RSPH3: variants seen among roughly 807,000 people sequenced by gnomAD.
RSPH3 encodes the protein radial spoke head protein 3 homolog.
RSPH3 carries 21 observed loss-of-function variants against 43.8 expected under a neutral mutation model. The ratio of observed to expected loss-of-function variants is 0.48; its 90% CI spans 0.34 to 0.69. RSPH3 has a LOEUF of 0.69. Among genes scored for constraint, RSPH3 ranks in the 30% least tolerant of loss-of-function variants. RSPH3 has a pLI of 0.01. For synonymous variants in RSPH3, 173 were observed against 179.8 expected (o/e 0.96, Z 0.30); for missense variants, 487 against 516.0 (o/e 0.94, Z 0.54).
At chr6:158,988,225 TG>T (rs905745712) in intron 2 of RSPH3, 5 of 152,238 alleles carry the variant, frequency 3.3e-5, no homozygotes, top group Non-Finnish European at 4.4e-5. Context: ...CCTCCTGGCC[TG>T]TACAGTTTCC....
At chr6:158,982,448 A>G in intron 5 of RSPH3, 37 bp downstream of exon 5, 2 of 1,413,500 alleles carry the variant, frequency 1.4e-6, no homozygotes, top group Non-Finnish European at 1.9e-6. Flanking sequence ...TAACTAGCCA[A>G]AAGACTGCCT....
At chr6:158,998,622 G>A (rs1443064092) in intron 1 of RSPH3, among the ~76,000 whole-genome samples, 1 of 151,646 alleles carries the variant, frequency 6.6e-6, no homozygotes, top group Admixed American at 6.6e-5. Flanking sequence ...TTGGGAGGCC[G>A]AGGCGGGCGG....
At chr6:158,969,346 G>T (rs749940640), downstream of RSPH3, among the ~76,000 whole-genome samples, 1 of 152,146 alleles carries the variant, frequency 6.6e-6, no homozygotes, top group African/African-American at 2.4e-5. Context: ...TTGCCTTTTG[G>T]CCTTCATGAT....
chr6:158,995,304 G>A (rs986537006), intron 1 of RSPH3, among the ~76,000 whole-genome samples: 1 of 152,138 alleles, frequency 6.6e-6, no homozygotes, highest in Non-Finnish European at 1.5e-5. Flanking sequence ...TACTTCTTCA[G>A]TGTTTCCTAT....
intron 6 of RSPH3, 29 bp from the exon 7 acceptor site, chr6:158,978,375 T>C (rs1777921435): frequency 5.4e-6 from 6 of 1,103,024 alleles, no homozygotes; most frequent in East Asian, 2.4e-5. Flanking sequence ...TTGATTTTCA[T>C]GTATTATCAG....
downstream of RSPH3, among the ~76,000 whole-genome samples, chr6:158,970,839 C>T (rs139975299): frequency 2.2e-4 from 34 of 152,304 alleles, no homozygotes; most frequent in Middle Eastern, 3.4e-3. Context: ...GCGTGAGAAA[C>T]GTGCCCAGCC....
chr6:158,999,297 G>C, intron 1 of RSPH3, 138 bp downstream of exon 1: 2 of 757,176 alleles, frequency 2.6e-6, no homozygotes, highest in Non-Finnish European at 2.0e-6. Flanking sequence ...GATTCCTTAG[G>C]GCAGAACTTT....
At position 158,983,728 on chromosome 6, in the gene RSPH3, T is replaced by C. The variant is rs745619873; in HGVS notation, c.426A>G (p.Pro142=). The C allele has an allele frequency of 1.9e-6, 3 of 1,612,344 alleles. No individual in the cohort carries two copies. Among genetic ancestry groups the C allele is most frequent in the African/African-American group, 2.7e-5 (2 of 74,898 alleles). Residue 142 remains proline (P), a synonymous_variant, in exon 4 of 8, where the codon CCA becomes CCG. Coordinates refer to ENST00000367069, the MANE Select transcript of RSPH3 (RefSeq NM_031924.8). ...TGGCAGGAATAAAGAGTGGTGTTGG[T>C]GGTCTGTCCAAAAATGCATCTGTTT... ...ECQTDAFLDR[P]PTPLFIPAKT...
At chr6:158,992,456 GGTTTT>G (rs1456923772) in intron 2 of RSPH3, among the ~76,000 whole-genome samples, 4 of 140,890 alleles carry the variant, frequency 2.8e-5, no homozygotes, top group Non-Finnish European at 6.0e-5. Flanking sequence ...ATTTTTGTGG[GGTTTT>G]TTTTTTTTTT....
chr6:158,973,089 A>C lies in RSPH3; in HGVS notation c.*4449T>G, dbSNP rs1479358136. On this transcript the variant is annotated 3_prime_UTR_variant, in exon 8 of 8. Transcript: ENST00000367069. The stretch of plus-strand genomic sequence containing the variant: ...TTAGGCCTAGGCATTACGGTTAAGA[A>C]ATAACAGATGCTAATTAGTTAGTGG... 1.3e-5 allele frequency: 2 copies of C among 152,254 alleles called. No homozygotes were observed. The highest frequency in any genetic ancestry group is 1.5e-5 in the Non-Finnish European group (1 of 68,050). The allele number at this position is 152,254 out of a possible 1,614,324, so 9.4% of individuals were successfully genotyped here.
At chr6:158,998,914 C>G (rs1476113307) in intron 1 of RSPH3, among the ~76,000 whole-genome samples, 1 of 151,960 alleles carries the variant, frequency 6.6e-6, no homozygotes, top group Non-Finnish European at 1.5e-5. Context: ...ACCACCACCA[C>G]AAAAAACCAA....
the RSPH3 span, among the ~76,000 whole-genome samples, chr6:158,966,447 T>C: frequency 2.0e-5 from 3 of 152,172 alleles, no homozygotes; most frequent in Non-Finnish European, 1.5e-5. Flanking sequence ...TGAAGCTGTC[T>C]GAGTCTGGGG....
intron 1 of RSPH3, among the ~76,000 whole-genome samples, chr6:158,999,043 C>A (rs1446385652): frequency 6.6e-6 from 1 of 152,232 alleles, no homozygotes; most frequent in East Asian, 1.9e-4. Flanking sequence ...GTCTCCTCAT[C>A]TGCATAATGG....
chr6:158,993,328 G>A (rs1778481982), intron 2 of RSPH3, among the ~76,000 whole-genome samples: 1 of 151,796 alleles, frequency 6.6e-6, no homozygotes. Context: ...ATGTTGGCCA[G>A]AATGGTCTTG....
downstream of RSPH3, among the ~76,000 whole-genome samples, chr6:158,970,015 A>T (rs1777676744): frequency 6.6e-6 from 1 of 151,974 alleles, no homozygotes; most frequent in Non-Finnish European, 1.5e-5. Context: ...TTCCTTGGGA[A>T]CAGTTTCTAT....
chr6:158,978,369 T>C, intron 6 of RSPH3, 23 bp from the exon 7 acceptor site: 1 of 1,127,378 alleles, frequency 8.9e-7, no homozygotes, highest in Non-Finnish European at 1.3e-6. Flanking sequence ...AATTCATTGA[T>C]TTTCATGTAT....
Position 158,989,976 on chromosome 6 carries a change from T to C in RSPH3, c.205-3555A>G, listed in dbSNP as rs953202127. On this transcript the variant is annotated intron_variant, in intron 2 of 7. Transcript: ENST00000367069. The surrounding 1 kb of genome is among the most constrained non-coding windows in gnomAD (Gnocchi z 4.3). ...ATCAACTGCCAGAGTGGCTAGAATA[T>C]AAGCAGGCAGAAAAATGTGGAAAGA... is the stretch of plus-strand genomic sequence containing the variant. Among the ~76,000 whole-genome samples, 2 of 152,042 alleles carry C rather than the reference T, an allele frequency of 1.3e-5. No individual in the cohort carries two copies. The highest frequency in any genetic ancestry group is 2.9e-5 in the Non-Finnish European group (2 of 68,006).
intron 1 of RSPH3, among the ~76,000 whole-genome samples, chr6:158,998,848 C>T (rs1778729304): frequency 6.6e-6 from 1 of 151,938 alleles, no homozygotes; most frequent in South Asian, 2.1e-4. Flanking sequence ...CCAGCCTGGG[C>T]GACAAGAGCG....
chr6:158,987,273 TA>T (rs1165877678), intron 2 of RSPH3, among the ~76,000 whole-genome samples: 4 of 152,204 alleles, frequency 2.6e-5, no homozygotes, highest in Admixed American at 6.5e-5. Context: ...TTATCTGATG[TA>T]AGTATACTCA....
Sources: gnomAD v4.1 joint callset for allele counts (sites outside exome capture counted in the v4.1 genomes callset) on GRCh38, gnomAD v4.1.1 for gene constraint, Gnocchi (gnomAD v3.1) non-coding constraint, MANE v1.5 for transcripts, NCBI Gene and HGNC (gene_info 2026-07-23, HGNC 2026-07-21) for gene names.